WDFY3: variants seen among roughly 807,000 people sequenced by gnomAD.
WDFY3 encodes WD repeat and FYVE domain-containing protein 3.
Under a neutral mutation model 409.6 loss-of-function variants are expected in WDFY3, and 66 were observed. The observed-to-expected ratio is 0.16, with a 90% CI of 0.13 to 0.20. WDFY3 has a LOEUF of 0.20. Ranked by LOEUF, WDFY3 falls within the 10% of genes least tolerant of loss-of-function variation. The pLI, the probability that WDFY3 is intolerant of heterozygous loss-of-function variation, is 1.00. For synonymous variants in WDFY3, 1,521 were observed against 1,537.1 expected (o/e 0.99, Z 0.25); for missense variants, 3,031 against 4,298.1 (o/e 0.71, Z 8.24).
chr4:84,803,410 G>T lies in WDFY3; in HGVS notation c.2487C>A (p.Asp829Glu). The T allele has an allele frequency of 6.2e-7, 1 of 1,614,044 alleles. No individual in the cohort carries two copies. The highest frequency in any genetic ancestry group is 8.5e-7 in the Non-Finnish European group (1 of 1,180,000). The stretch of plus-strand genomic sequence containing the variant: ...ATGAAGTTGTCACATGTAGTTTCAG[G>T]TCGGCAACATTTTTAGGAGGGTAAA... ...PPVYPPKNVADLKLHVTTSSL... is the reference protein window; with the variant it reads ...PPVYPPKNVAELKLHVTTSSL... Residue 829 changes from aspartate (D) to glutamate (E), a missense_variant, in exon 16 of 68, where the codon GAC (aspartate) becomes GAA (glutamate). Asp to Glu is a conservative substitution (Grantham distance 45, BLOSUM62 2). Coordinates refer to ENST00000295888, the MANE Select transcript of WDFY3 (RefSeq NM_014991.6).
intron 52 of WDFY3, 108 bp downstream of exon 52, chr4:84,709,185 C>G: frequency 7.2e-7 from 1 of 1,398,452 alleles, no homozygotes; most frequent in Non-Finnish European, 9.7e-7. Context: ...GAAAATAAAA[C>G]ATTTTCTCTA....
intron 13 of WDFY3, among the ~76,000 whole-genome samples, chr4:84,816,217 T>C (rs1421150367): frequency 6.6e-6 from 1 of 152,192 alleles, no homozygotes; most frequent in Admixed American, 6.5e-5. Flanking sequence ...TAAATTTTAA[T>C]GGACTTCTTT....
intron 58 of WDFY3, among the ~76,000 whole-genome samples, chr4:84,695,425 T>C (rs1729922610): frequency 6.6e-6 from 1 of 151,138 alleles, no homozygotes; most frequent in African/African-American, 2.4e-5. Context: ...TTCTTAGTGG[T>C]CTTCCGCTCC....
chr4:84,937,733 T>C (rs1771608681), intron 1 of WDFY3, among the ~76,000 whole-genome samples: 1 of 152,124 alleles, frequency 6.6e-6, no homozygotes, highest in Admixed American at 6.6e-5. Context: ...AAAGAACCTA[T>C]AAAATTTGGC....
chr4:84,921,916 A>T (rs1769343701), intron 2 of WDFY3, among the ~76,000 whole-genome samples: 1 of 151,866 alleles, frequency 6.6e-6, no homozygotes, highest in African/African-American at 2.4e-5. Flanking sequence ...TGGCCTCCCA[A>T]AGTGCTGGGA....
Position 84,679,357 on chromosome 4 carries a change from A to G in WDFY3, c.9824-115T>C, listed in dbSNP as rs547085173. The G allele has an allele frequency of 2.8e-6, 3 of 1,058,654 alleles. No individual in the cohort carries two copies. The South Asian group carries it at 1.0e-4, about 35-fold the overall frequency. The allele number at this position is 1,058,654 out of a possible 1,614,324, so 65.6% of individuals were successfully genotyped here. ...TAAGCCTCTATAGACATAATATTTT[A>G]AGCTAAGTGTAACAAAAAAGAAAGT... On this transcript the variant is annotated intron_variant, in intron 64 of 67. Transcript: ENST00000295888.
chr4:84,923,089 G>A (rs1769495652), intron 2 of WDFY3, among the ~76,000 whole-genome samples: 1 of 152,058 alleles, frequency 6.6e-6, no homozygotes, highest in Non-Finnish European at 1.5e-5. Context: ...GTCTTTTGGG[G>A]TAAATGAGTT....
chr4:84,808,242 C>A, intron 15 of WDFY3, 92 bp downstream of exon 15: 1 of 1,055,986 alleles, frequency 9.5e-7, no homozygotes, highest in African/African-American at 1.6e-5. Flanking sequence ...AAACTGAAAT[C>A]ACAAAACACA....
intron 3 of WDFY3, among the ~76,000 whole-genome samples, chr4:84,887,887 C>T (rs970079502): frequency 2.5e-4 from 38 of 152,184 alleles, no homozygotes; most frequent in African/African-American, 8.7e-4. Context: ...TTCCTTAAAA[C>T]ATTTGGACAA....
intron 1 of WDFY3, among the ~76,000 whole-genome samples, chr4:84,938,639 TA>T (rs1488931762): frequency 1.3e-5 from 2 of 152,200 alleles, no homozygotes; most frequent in Non-Finnish European, 2.9e-5. Context: ...AAAGGGCAGA[TA>T]TTTTTAAATG....
intron 67 of WDFY3, among the ~76,000 whole-genome samples, chr4:84,676,347 G>A (rs940426569): frequency 2.0e-5 from 3 of 152,140 alleles, no homozygotes; most frequent in African/African-American, 7.2e-5. Flanking sequence ...TGGCAAAAGT[G>A]GAAAAAGTCT....
intron 1 of WDFY3, among the ~76,000 whole-genome samples, chr4:84,954,678 TCAA>T (rs1233860105): frequency 6.6e-6 from 1 of 152,236 alleles, no homozygotes; most frequent in African/African-American, 2.4e-5. Context: ...ATTTATTCAC[TCAA>T]CAAATGTTTA....
intron 26 of WDFY3, among the ~76,000 whole-genome samples, chr4:84,779,062 T>C (rs1367382177): frequency 6.6e-6 from 1 of 152,176 alleles, no homozygotes; most frequent in East Asian, 1.9e-4. Flanking sequence ...AGTATTTTTT[T>C]TTGCAACACG....
intron 8 of WDFY3, among the ~76,000 whole-genome samples, chr4:84,829,855 G>T (rs1360938859): frequency 6.5e-5 from 5 of 77,438 alleles, no homozygotes; most frequent in South Asian, 4.4e-4. Context: ...ATAAATTAGA[G>T]AGACTATAGA....
intron 5 of WDFY3, 37 bp downstream of exon 5, chr4:84,849,865 C>T (rs769026937): frequency 1.2e-6 from 2 of 1,603,724 alleles, no homozygotes; most frequent in East Asian, 4.5e-5. Context: ...CTTGTTCATT[C>T]AAACAAATCA....
chr4:84,904,228 T>G (rs529331202), intron 2 of WDFY3, among the ~76,000 whole-genome samples: 14 of 152,024 alleles, frequency 9.2e-5, no homozygotes, highest in African/African-American at 3.1e-4. Context: ...TGTCATGCAT[T>G]CATTCATTCA....
intron 2 of WDFY3, among the ~76,000 whole-genome samples, chr4:84,898,619 A>C (rs925710828): frequency 9.2e-5 from 14 of 152,222 alleles, no homozygotes; most frequent in African/African-American, 3.4e-4. Context: ...GAAGAGAAAA[A>C]GTAATAGTAA....
rs1578806926 is a variant in WDFY3, at chr4:84,849,835, A to G, written c.304+67T>C. 6 of 1,583,518 alleles carry G rather than the reference A, an allele frequency of 3.8e-6. No homozygotes were observed. In the East Asian group the frequency reaches 1.1e-4, roughly 30 times the overall value. Reference sequence around the variant, plus strand: ...AAGGTCTGTTTTCCATTTAATTTTAATGGGACTTTTACAGAACTGCTTGTT... The same window carrying G: ...AAGGTCTGTTTTCCATTTAATTTTAGTGGGACTTTTACAGAACTGCTTGTT... On this transcript the variant is annotated intron_variant, in intron 5 of 67. Coordinates refer to ENST00000295888, the MANE Select transcript of WDFY3 (RefSeq NM_014991.6).
intron 58 of WDFY3, among the ~76,000 whole-genome samples, chr4:84,693,871 G>A (rs1205542239): frequency 2.0e-5 from 3 of 150,952 alleles, no homozygotes; most frequent in Admixed American, 1.3e-4. Context: ...CTCCAGCCTG[G>A]GGCAACAAAG....
Sources: allele counts gnomAD v4.1 joint callset (sites outside exome capture counted in the v4.1 genomes callset), GRCh38; gene constraint gnomAD v4.1.1; transcripts MANE v1.5; gene names NCBI Gene and HGNC (gene_info 2026-07-23, HGNC 2026-07-21).